CAPRIN1: variants seen among roughly 807,000 people sequenced by gnomAD.
The protein encoded by CAPRIN1 is caprin-1.
In CAPRIN1, 29 loss-of-function variants were observed where a neutral mutation model predicts 100.9. The observed-to-expected ratio is 0.29, with a 90% confidence interval of 0.21 to 0.39. The LOEUF (loss-of-function observed/expected upper bound fraction) is 0.39, where lower values mean the gene tolerates loss of function less well. Ranked by LOEUF, CAPRIN1 falls within the 10% of genes least tolerant of loss-of-function variation. The pLI, the probability that CAPRIN1 is intolerant of heterozygous loss-of-function variation, is 1.00. For synonymous variants in CAPRIN1, 338 were observed against 307.5 expected, an observed-to-expected ratio of 1.10 and a Z score of -1.04; for missense variants, 795 against 876.7, an observed-to-expected ratio of 0.91 and a Z score of 1.18.
chr11:34,079,556 G>C, intron 6 of CAPRIN1, 72 bp from the exon 7 acceptor site: 1 of 1,228,886 alleles, frequency 8.1e-7, no homozygotes, highest in East Asian at 2.3e-5. Context: ...ATATTTTATA[G>C]AATGTTGGAT....
At position 34,071,376 on chromosome 11, in the gene CAPRIN1, C is replaced by T. The variant is rs1173480902; in HGVS notation, c.217-350C>T. On this transcript the variant is annotated intron_variant, in intron 2 of 18. Coordinates refer to ENST00000341394, the MANE Select transcript of CAPRIN1 (RefSeq NM_005898.5). ...GTCAGGAGTTTGAGATCAGCCTGGCCACATGGTGAAACCCTGTCTCTACAA... is the reference window on the plus strand; with the variant it reads ...GTCAGGAGTTTGAGATCAGCCTGGCTACATGGTGAAACCCTGTCTCTACAA... Among the ~76,000 whole-genome samples, 3 of 151,880 alleles carry T rather than the reference C, an allele frequency of 2.0e-5. No homozygotes were observed. In the East Asian group the frequency reaches 5.8e-4, roughly 29 times the overall value.
chr11:34,060,233 G>A (rs1850548851), intron 2 of CAPRIN1, among the ~76,000 whole-genome samples: 1 of 147,820 alleles, frequency 6.8e-6, no homozygotes, highest in African/African-American at 2.5e-5. Context: ...GGTAGCATTA[G>A]CAAGATATGT....
At position 34,101,647 on chromosome 11, in the gene CAPRIN1, A is replaced by G. The variant is rs1480692512; in HGVS notation, c.*2280A>G. On this transcript the variant is annotated 3_prime_UTR_variant, in exon 19 of 19. Coordinates refer to ENST00000341394, the MANE Select transcript of CAPRIN1 (RefSeq NM_005898.5). ...TGGTTATTTTACCATCACAGTTTAA[A>G]TGTATATCTTTTATGTCTCTACTCA... 2.0e-5 allele frequency among the ~76,000 whole-genome samples: 3 copies of G among 152,098 alleles called. No individual in the cohort carries two copies. The highest frequency in any genetic ancestry group is 1.3e-4 in the Admixed American group (2 of 15,264).
At chr11:34,082,333 G>A (rs1490831169) in intron 7 of CAPRIN1, among the ~76,000 whole-genome samples, 4 of 151,922 alleles carry the variant, frequency 2.6e-5, no homozygotes, top group South Asian at 2.1e-4. Context: ...GATTGCAGGC[G>A]TCCGCCACCA....
intron 2 of CAPRIN1, among the ~76,000 whole-genome samples, chr11:34,071,519 C>T (rs1300368191): frequency 2.6e-5 from 4 of 151,930 alleles, no homozygotes; most frequent in Non-Finnish European, 5.9e-5. Context: ...GAGACAAGAT[C>T]GTGCCATTGC....
chr11:34,053,918 AACTTCT>A (rs777755984), intron 2 of CAPRIN1, among the ~76,000 whole-genome samples: 35 of 152,340 alleles, frequency 2.3e-4, no homozygotes, highest in South Asian at 2.1e-4. Flanking sequence ...AAGCCTTGAT[AACTTCT>A]ACTTGTCTGC....
intron 2 of CAPRIN1, among the ~76,000 whole-genome samples, chr11:34,058,664 T>C (rs1423345215): frequency 6.6e-6 from 1 of 152,226 alleles, no homozygotes; most frequent in Non-Finnish European, 1.5e-5. Flanking sequence ...GTCCGGGTAA[T>C]GGGGTTCTGA....
chr11:34,067,504 T>A (rs1454925394), intron 2 of CAPRIN1, among the ~76,000 whole-genome samples: 5 of 152,130 alleles, frequency 3.3e-5, no homozygotes, highest in Admixed American at 6.5e-5. Context: ...TTTTTTTTTT[T>A]AATTTTTATT....
chr11:34,052,046 C>G (rs967279725), intron 1 of CAPRIN1, 175 bp downstream of exon 1: 4 of 150,126 alleles, frequency 2.7e-5, no homozygotes, highest in African/African-American at 9.7e-5. Flanking sequence ...TCTCTTTCCT[C>G]CCTTCTCCGG....
Position 34,056,537 on chromosome 11 carries a change from T to C in CAPRIN1, c.216+3901T>C, listed in dbSNP as rs544020164. ...GCAAAGAGAAGAAATACAGCTGTGATAATCAAGTGTAAAATCCATTTGCAA... is the reference window on the plus strand; with the variant it reads ...GCAAAGAGAAGAAATACAGCTGTGACAATCAAGTGTAAAATCCATTTGCAA... On this transcript the variant is annotated intron_variant, in intron 2 of 18. Transcript: ENST00000341394. 6.6e-5 allele frequency: 10 copies of C among 152,246 alleles called. No individual in the cohort carries two copies. The South Asian group carries it at 1.0e-3, about 16-fold the overall frequency. The allele number at this position is 152,246 out of a possible 1,614,324, so 9.4% of individuals were successfully genotyped here.
chr11:34,058,785 C>A (rs982261703), intron 2 of CAPRIN1, among the ~76,000 whole-genome samples: 6 of 152,142 alleles, frequency 3.9e-5, no homozygotes, highest in Non-Finnish European at 5.9e-5. Context: ...TTATGTTTAG[C>A]TTCCTATGTA....
At chr11:34,098,658 T>G in intron 18 of CAPRIN1, 2 of 985,456 alleles carry the variant, frequency 2.0e-6, no homozygotes, top group Non-Finnish European at 2.4e-6. Context: ...AATTACTGAC[T>G]TGACTAGAAG....
At chr11:34,066,414 A>G (rs1850695881) in intron 2 of CAPRIN1, among the ~76,000 whole-genome samples, 2 of 151,682 alleles carry the variant, frequency 1.3e-5, no homozygotes. Flanking sequence ...GCTCTCTGCA[A>G]CCTCTGCCAC....
intron 12 of CAPRIN1, 40 bp downstream of exon 12, chr11:34,089,496 G>C: frequency 8.2e-7 from 1 of 1,223,692 alleles, no homozygotes; most frequent in Non-Finnish European, 1.2e-6. Context: ...GCCAGGTTAG[G>C]TGGCTCGTAC....
chr11:34,085,278 GTTGGTAAAGC>G (rs1274286289), intron 9 of CAPRIN1, among the ~76,000 whole-genome samples: 1 of 152,136 alleles, frequency 6.6e-6, no homozygotes, highest in Non-Finnish European at 1.5e-5. Context: ...GTTTAGATGA[GTTGGTAAAGC>G]TTGATCCTAT....
chr11:34,052,603 C>A lies in CAPRIN1; in HGVS notation c.183C>A (p.Ile61=), dbSNP rs1217120847. Reference sequence around the variant, plus strand: ...CCATGAAGCAGATTCTCGGGGTGATCGACAAGAAACTTCGGAACCTGGAGA... The same window carrying A: ...CCATGAAGCAGATTCTCGGGGTGATAGACAAGAAACTTCGGAACCTGGAGA... The part of the protein sequence containing the change: ...TEAMKQILGV[I]DKKLRNLEKK... Residue 61 remains isoleucine, a synonymous_variant, in exon 2 of 19, where the codon ATC becomes ATA. Coordinates refer to ENST00000341394, the MANE Select transcript of CAPRIN1 (RefSeq NM_005898.5). The A allele has an allele frequency of 6.8e-6, 11 of 1,610,664 alleles. No individual in the cohort carries two copies. Among genetic ancestry groups the A allele is most frequent in the Non-Finnish European group, 8.5e-6 (10 of 1,178,972 alleles).
chr11:34,053,775 T>A (rs544384614), intron 2 of CAPRIN1: 1 of 152,226 alleles, frequency 6.6e-6, no homozygotes, highest in Non-Finnish European at 1.5e-5. Context: ...AGAAAAGGTC[T>A]GGGCAGAGTG....
chr11:34,071,884 GTTCT>G lies in CAPRIN1; in HGVS notation c.280-14_280-11del. The G allele has an allele frequency of 6.2e-7, 1 of 1,607,880 alleles. No homozygotes were observed. ...TTTTTGTCTTTCCAGTAAAGTTTGG[GTTCT>G]TTGTCATTTTAGGATGCCGTTTCTA... On this transcript the variant is annotated splice_polypyrimidine_tract_variant and intron_variant, in intron 3 of 18. Coordinates refer to ENST00000341394, the MANE Select transcript of CAPRIN1 (RefSeq NM_005898.5).
At chr11:34,090,402 A>G (rs1851239130) in intron 13 of CAPRIN1, 113 bp downstream of exon 13, 1 of 1,312,718 alleles carries the variant, frequency 7.6e-7, no homozygotes, top group Non-Finnish European at 1.1e-6. Context: ...CTTTGCTTTC[A>G]TGAAATATTT....
Sources: allele counts gnomAD v4.1 joint callset (sites outside exome capture counted in the v4.1 genomes callset), GRCh38; gene constraint gnomAD v4.1.1; transcripts MANE v1.5; gene names NCBI Gene and HGNC (gene_info 2026-07-23, HGNC 2026-07-21).